Variants in TREH observed in about 807,000 individuals in gnomAD.
TREH encodes trehalase, also known as alpha,alpha-trehalose glucohydrolase.
Under a neutral mutation model 80.5 loss-of-function variants are expected in TREH, and 69 were observed. The observed-to-expected ratio is 0.86, with a 90% CI of 0.71 to 1.05. TREH has a LOEUF of 1.05. Among genes scored for constraint, TREH ranks in the 50% least tolerant of loss-of-function variants. The pLI is 0.00. For missense variants in TREH, 716 were observed against 718.8 expected (o/e 1.00, Z 0.04); for synonymous variants, 309 against 293.5 (o/e 1.05, Z -0.54).
intron 1 of TREH, among the ~76,000 whole-genome samples, chr11:118,675,167 T>G (rs144369531): frequency 0.01 from 1,598 of 152,312 alleles, 26 homozygotes; most frequent in African/African-American, 0.035. Flanking sequence ...TGACCCTGTA[T>G]CCACTCGAGA....
Position 118,658,185 on chromosome 11 carries a change from G to GTCCAGCAGCATCAGGACC in TREH, c.*103_*104insGGTCCTGATGCTGCTGGA. The GTCCAGCAGCATCAGGACC allele has an allele frequency of 6.9e-7, 1 of 1,454,924 alleles. No homozygotes were observed. Among genetic ancestry groups the GTCCAGCAGCATCAGGACC allele is most frequent in the Non-Finnish European group, 9.2e-7 (1 of 1,083,104 alleles). 90.1% of individuals were successfully genotyped at this position (1,454,924 alleles called of 1,614,324 possible). A position where few individuals can be genotyped will look rare whatever the true frequency, so the allele number is the denominator to read the frequency against. ...ACCCTGCCCTCCACTTCGCTCTGAG[G>GTCCAGCAGCATCAGGACC]ACAGGCTGGGAGGTAGGAGGGCATG... is the stretch of plus-strand genomic sequence containing the variant. On this transcript the variant is annotated 3_prime_UTR_variant, in exon 15 of 15. Coordinates refer to ENST00000264029, the MANE Select transcript of TREH (RefSeq NM_007180.3).
chr11:118,674,919 C>T lies in TREH; in HGVS notation c.89+4620G>A, dbSNP rs1949462722. Among the ~76,000 whole-genome samples, 1 of 152,210 alleles carries T rather than the reference C, an allele frequency of 6.6e-6. No individual in the cohort carries two copies. Among genetic ancestry groups the T allele is most frequent in the Admixed American group, 6.5e-5 (1 of 15,288 alleles). Reference sequence around the variant, plus strand: ...GTGTTTTTGGTACCACAGTGCAGGACTGGAGGTTGTAATTCCACTGACCAG... The same window carrying T: ...GTGTTTTTGGTACCACAGTGCAGGATTGGAGGTTGTAATTCCACTGACCAG... On this transcript the variant is annotated intron_variant, in intron 1 of 14. Coordinates refer to ENST00000264029, the MANE Select transcript of TREH (RefSeq NM_007180.3). This position sits in a 1 kb window ranked among gnomAD's most constrained non-coding sequence, Gnocchi z 4.4.
At position 118,657,823 on chromosome 11, in the gene TREH, T is replaced by A. The variant is rs1949204828; in HGVS notation, c.*466A>T. ...GAAGGGCCCTGTGGTGCCGCCGCCC[T>A]TCCTTCAGCCTCCGAAGGGTGATGG... On this transcript the variant is annotated 3_prime_UTR_variant, in exon 15 of 15. Coordinates refer to ENST00000264029, the MANE Select transcript of TREH (RefSeq NM_007180.3). 1 of 162,126 alleles carries A rather than the reference T, an allele frequency of 6.2e-6. No homozygotes were observed. Among genetic ancestry groups the A allele is most frequent in the Non-Finnish European group, 1.4e-5 (1 of 73,814 alleles). 10.0% of individuals were successfully genotyped at this position (162,126 alleles called of 1,614,324 possible).
At chr11:118,672,277 A>C (rs1419184549) in intron 1 of TREH, among the ~76,000 whole-genome samples, 1 of 152,118 alleles carries the variant, frequency 6.6e-6, no homozygotes, top group African/African-American at 2.4e-5. Context: ...ACGCACTTGT[A>C]GTCCCAGGTA....
At chr11:118,666,299 A>G (rs1949377384) in intron 1 of TREH, among the ~76,000 whole-genome samples, 1 of 152,200 alleles carries the variant, frequency 6.6e-6, no homozygotes, top group Non-Finnish European at 1.5e-5. Flanking sequence ...TAAAGGAATG[A>G]GTAAATGGGT....
rs1013200049 is a variant in TREH, at chr11:118,661,783, C to T, written c.525-54G>A. 73 of 1,608,766 alleles carry T rather than the reference C, an allele frequency of 4.5e-5. No homozygotes were observed. The Middle Eastern group carries it at 1.6e-3, about 36-fold the overall frequency. On this transcript the variant is annotated intron_variant, in intron 5 of 14. Coordinates refer to ENST00000264029, the MANE Select transcript of TREH (RefSeq NM_007180.3). The surrounding 1 kb of genome is among the most constrained non-coding windows in gnomAD (Gnocchi z 4.2). ...CTGCTGCCTCCCTCTGCCCTGCACA[C>T]CAGCCAGTGGGGCACTCTGCCCTGC... is the stretch of plus-strand genomic sequence containing the variant.
At position 118,671,798 on chromosome 11, in the gene TREH, G is replaced by T. The variant is rs117763506; in HGVS notation, c.89+7741C>A. Among the ~76,000 whole-genome samples, 37 of 152,128 alleles carry T rather than the reference G, an allele frequency of 2.4e-4. No individual in the cohort carries two copies. The East Asian group carries it at 4.3e-3, about 17-fold the overall frequency. ...AGAAAGGATCCTAAAAGCAGCAAGAGAAATGAAACAAATAATATACAATGG... is the reference window on the plus strand; with the variant it reads ...AGAAAGGATCCTAAAAGCAGCAAGATAAATGAAACAAATAATATACAATGG... On this transcript the variant is annotated intron_variant, in intron 1 of 14. Coordinates refer to ENST00000264029, the MANE Select transcript of TREH (RefSeq NM_007180.3).
chr11:118,657,511 G>A lies in TREH; in HGVS notation c.*778C>T, dbSNP rs185006140. Reference sequence around the variant, plus strand: ...GCCCCTGGGCATCTCATGCTGGGGGGAAGGGACTGAATACCTTTTTCCTTC... The same window carrying A: ...GCCCCTGGGCATCTCATGCTGGGGGAAAGGGACTGAATACCTTTTTCCTTC... On this transcript the variant is annotated 3_prime_UTR_variant, in exon 15 of 15. Coordinates refer to ENST00000264029, the MANE Select transcript of TREH (RefSeq NM_007180.3). The A allele has an allele frequency of 2.0e-4, 31 of 152,854 alleles. No homozygotes were observed. The East Asian group carries it at 5.8e-3, about 29-fold the overall frequency. The allele number at this position is 152,854 out of a possible 1,614,324, so 9.5% of individuals were successfully genotyped here.
chr11:118,661,779 C>T lies in TREH; in HGVS notation c.525-50G>A, dbSNP rs1949325658. 6.2e-7 allele frequency: 1 copy of T among 1,608,206 alleles called. No individual in the cohort carries two copies. The highest frequency in any genetic ancestry group is 1.3e-5 in the African/African-American group (1 of 74,824). ...CACCCTGCTGCCTCCCTCTGCCCTG[C>T]ACACCAGCCAGTGGGGCACTCTGCC... is the stretch of plus-strand genomic sequence containing the variant. On this transcript the variant is annotated intron_variant, in intron 5 of 14. Coordinates refer to ENST00000264029, the MANE Select transcript of TREH (RefSeq NM_007180.3). This position sits in a 1 kb window ranked among gnomAD's most constrained non-coding sequence, Gnocchi z 4.2.
intron 12 of TREH, 66 bp from the exon 13 acceptor site, chr11:118,659,083 C>T: frequency 1.3e-6 from 2 of 1,484,628 alleles, no homozygotes; most frequent in Non-Finnish European, 1.9e-6. Flanking sequence ...AGTGGCTGCA[C>T]CCTACTCTCC....
Position 118,663,345 on chromosome 11 carries a change from C to A in TREH, c.184G>T (p.Ala62Ser). ...KQFVDMPLSIAPEQVLQTFTE... is the reference protein window; with the variant it reads ...KQFVDMPLSISPEQVLQTFTE... Reference sequence around the variant, plus strand: ...TCAGCCCTAGGTGCTTCACCTGGAGCTATAGACAGTGGCATGTCCACAAAC... The same window carrying A: ...TCAGCCCTAGGTGCTTCACCTGGAGATATAGACAGTGGCATGTCCACAAAC... Residue 62 changes from alanine to serine, a missense_variant, in exon 2 of 15, where the codon GCT becomes TCT. Coordinates refer to ENST00000264029, the MANE Select transcript of TREH (RefSeq NM_007180.3). 1.9e-6 allele frequency: 3 copies of A among 1,588,946 alleles called. No individual in the cohort carries two copies. The highest frequency in any genetic ancestry group is 2.7e-5 in the African/African-American group (2 of 74,618).
Position 118,661,890 on chromosome 11 carries a change from CAGT to C in TREH, c.521_523del (p.Tyr174del), listed in dbSNP as rs1949327552. On this transcript the variant is annotated inframe_deletion and splice_region_variant, in exon 5 of 15. Transcript: ENST00000264029. The surrounding 1 kb of genome is among the most constrained non-coding windows in gnomAD (Gnocchi z 4.2). ...TGGTCTCTTGGGCCTGGGCGCTCAC[CAGT>C]AGTAGAACTCAACAAAGCGACCGCC... is the stretch of plus-strand genomic sequence containing the variant. The C allele has an allele frequency of 1.9e-6, 3 of 1,558,698 alleles. No individual in the cohort carries two copies. In the East Asian group the frequency reaches 7.3e-5, roughly 38 times the overall value.
Position 118,660,819 on chromosome 11 carries a change from G to A in TREH, c.907+47C>T, listed in dbSNP as rs1244307514. On this transcript the variant is annotated intron_variant, in intron 9 of 14. Transcript: ENST00000264029. ...GAGACCAGAGCCTGACACAGCAGGTGTGCAGCTGCCCTGCCCCCAGCCCTC... is the reference window on the plus strand; with the variant it reads ...GAGACCAGAGCCTGACACAGCAGGTATGCAGCTGCCCTGCCCCCAGCCCTC... The A allele has an allele frequency of 1.9e-6, 3 of 1,553,428 alleles. No homozygotes were observed. In the African/African-American group the frequency reaches 4.1e-5, roughly 21 times the overall value.
chr11:118,677,707 G>C (rs1949493088), intron 1 of TREH, among the ~76,000 whole-genome samples: 1 of 152,154 alleles, frequency 6.6e-6, no homozygotes, highest in South Asian at 2.1e-4. Flanking sequence ...CCTGGCGACA[G>C]AGCGAGACTC....
rs1949457186 is a variant in TREH, at chr11:118,674,329, A to C, written c.89+5210T>G. Among the ~76,000 whole-genome samples the C allele has an allele frequency of 2.6e-5, 4 of 152,144 alleles. No homozygotes were observed. Among genetic ancestry groups the C allele is most frequent in the Admixed American group, 2.6e-4 (4 of 15,272 alleles). ...GTCTATGCTCCAGAGAAGGCTAACAATCTCTGTGGACTTGGGCAATCTTAT... is the reference window on the plus strand; with the variant it reads ...GTCTATGCTCCAGAGAAGGCTAACACTCTCTGTGGACTTGGGCAATCTTAT... On this transcript the variant is annotated intron_variant, in intron 1 of 14. Coordinates refer to ENST00000264029, the MANE Select transcript of TREH (RefSeq NM_007180.3). This position sits in a 1 kb window ranked among gnomAD's most constrained non-coding sequence, Gnocchi z 4.4.
chr11:118,678,129 G>A (rs4938523), intron 1 of TREH, among the ~76,000 whole-genome samples: 3 of 151,838 alleles, frequency 2.0e-5, no homozygotes, highest in Non-Finnish European at 2.9e-5. Flanking sequence ...ACAGGCCTTC[G>A]TCCCAATCCC....
In TREH at chr11:118,662,968, G is replaced by A. The variant is rs1438440897; in HGVS notation, c.336C>T (p.Ser112=). 6.2e-6 allele frequency: 10 copies of A among 1,612,242 alleles called. No individual in the cohort carries two copies. The highest frequency in any genetic ancestry group is 8.5e-6 in the Non-Finnish European group (10 of 1,179,074). The change falls in exon 4 of 15, where the codon AGC becomes AGT. Residue 112 remains serine, a splice_region_variant and synonymous_variant. Transcript: ENST00000264029. ...QPWTPADWKD[S]PQFLQKISDA... is the part of the protein sequence containing the mutation. ...CTGAAATCTTCTGCAGGAACTGGGG[G>A]CTGAAAGAACACAGGCCCCACAGGG... is the stretch of plus-strand genomic sequence containing the variant.
rs782093794 is a variant in TREH, at chr11:118,658,297, G to T, written c.1744C>A (p.Pro582Thr). ...TGAGGAGAGGAGGGCTGTCACCATG[G>T]CAGGAGGCTGAGCAGGAGGCTGGGC... ...LLPSLLLSLLPW is the reference protein window; with the variant it reads ...LLPSLLLSLLTW Residue 582 changes from proline (P) to threonine (T), a missense_variant, in exon 15 of 15, where the codon CCA (proline) becomes ACA (threonine). Pro to Thr is a conservative substitution (Grantham distance 38, BLOSUM62 -1). Coordinates refer to ENST00000264029, the MANE Select transcript of TREH (RefSeq NM_007180.3). The T allele has an allele frequency of 6.3e-7, 1 of 1,585,990 alleles. No individual in the cohort carries two copies. Among genetic ancestry groups the T allele is most frequent in the East Asian group, 2.3e-5 (1 of 43,616 alleles).
chr11:118,664,196 T>C (rs1244089489), intron 1 of TREH, among the ~76,000 whole-genome samples: 2 of 152,196 alleles, frequency 1.3e-5, no homozygotes, highest in African/African-American at 4.8e-5. Flanking sequence ...AGGGGCCCTA[T>C]GAACAGCTCT....
Sources: gnomAD v4.1 joint callset for allele counts (sites outside exome capture counted in the v4.1 genomes callset) on GRCh38, gnomAD v4.1.1 for gene constraint, Gnocchi (gnomAD v3.1) non-coding constraint, MANE v1.5 for transcripts, NCBI Gene and HGNC (gene_info 2026-07-23, HGNC 2026-07-21) for gene names.